EVL: variants seen among roughly 807,000 people sequenced by gnomAD.
EVL encodes Enah/Vasp-like.
In EVL, 21 loss-of-function variants were observed where a neutral mutation model predicts 59.6. That is an observed-to-expected ratio of 0.35 (90% CI 0.25 to 0.51). The LOEUF (loss-of-function observed/expected upper bound fraction) is 0.51, where lower values mean the gene tolerates loss of function less well. Among genes scored for constraint, EVL ranks in the 20% least tolerant of loss-of-function variants. EVL has a pLI of 0.97. For synonymous variants in EVL, 198 were observed against 203.5 expected (o/e 0.97, Z 0.23); for missense variants, 462 against 546.6 (o/e 0.85, Z 1.54).
chr14:100,005,071 A>C (rs2060969891), intron 1 of EVL, among the ~76,000 whole-genome samples: 1 of 152,260 alleles, frequency 6.6e-6, no homozygotes, highest in South Asian at 2.1e-4. Context: ...AAAGTTGTGA[A>C]GCTTGCCATT....
In EVL at chr14:100,141,728, C is replaced by T. The variant is rs192030186; in HGVS notation, c.1162-8C>T. 4.8e-5 allele frequency: 77 copies of T among 1,613,264 alleles called. No individual in the cohort carries two copies. In the East Asian group the frequency reaches 1.5e-3, roughly 32 times the overall value. On this transcript the variant is annotated splice_polypyrimidine_tract_variant and splice_region_variant and intron_variant, in intron 12 of 13. Transcript: ENST00000392920. The stretch of plus-strand genomic sequence containing the variant: ...TGTCCCTTCACCTGGACACTCCTCT[C>T]CCAACAGGAGATCCTAGAGGAGGTG...
At chr14:100,097,370 C>A in intron 2 of EVL, 111 bp from the exon 3 acceptor site, 1 of 916,798 alleles carries the variant, frequency 1.1e-6, no homozygotes. Context: ...CAAACCCCAT[C>A]CCCATCTTCC....
intron 1 of EVL, among the ~76,000 whole-genome samples, chr14:100,033,961 C>T (rs150599110): frequency 6.6e-6 from 1 of 152,234 alleles, no homozygotes; most frequent in Non-Finnish European, 1.5e-5. Flanking sequence ...CATGGTGGCT[C>T]ATGTCTGTAA....
At chr14:100,055,287 G>A (rs1018548983) in intron 1 of EVL, among the ~76,000 whole-genome samples, 1 of 151,320 alleles carries the variant, frequency 6.6e-6, no homozygotes, top group African/African-American at 2.4e-5. Context: ...GTGGCCTTTC[G>A]TGTCTTGCCT....
At chr14:100,050,583 C>T (rs1303982635) in intron 1 of EVL, among the ~76,000 whole-genome samples, 8 of 151,838 alleles carry the variant, frequency 5.3e-5, no homozygotes, top group Admixed American at 2.6e-4. Context: ...GTGATCCACC[C>T]GCCTCAGCCT....
At chr14:100,030,382 G>A (rs553622372) in intron 1 of EVL, among the ~76,000 whole-genome samples, 36 of 152,098 alleles carry the variant, frequency 2.4e-4, no homozygotes, top group African/African-American at 8.7e-4. Context: ...GATTATAGGC[G>A]TGAGCCACCG....
intron 1 of EVL, among the ~76,000 whole-genome samples, chr14:100,084,052 C>CTT (rs548584469): frequency 0.14 from 18,861 of 134,550 alleles, 2,167 homozygotes; most frequent in African/African-American, 0.3. Flanking sequence ...CTCTCTCTCT[C>CTT]TTTTTTTTTT....
At chr14:100,098,395 C>T (rs1316345546) in intron 3 of EVL, among the ~76,000 whole-genome samples, 5 of 151,936 alleles carry the variant, frequency 3.3e-5, no homozygotes, top group South Asian at 2.1e-4. Flanking sequence ...GGGAAGAGGG[C>T]GATGCAGCAT....
intron 8 of EVL, 61 bp downstream of exon 8, chr14:100,132,840 G>T (rs1417048538): frequency 3.2e-6 from 5 of 1,585,664 alleles, no homozygotes; most frequent in Non-Finnish European, 4.3e-6. Context: ...TCGCCAGGGA[G>T]GCTCTCTGGT....
At position 100,100,795 on chromosome 14, in the gene EVL, A is replaced by G. The variant is rs532938059; in HGVS notation, c.358+3137A>G. ...GCAAGAGTCTGTCTCAAAAAAAAAA[A>G]AAAAAAAAAAAAAATGGAAGTATGA... On this transcript the variant is annotated intron_variant, in intron 3 of 13. Coordinates refer to ENST00000392920, the MANE Select transcript of EVL (RefSeq NM_016337.3). Among the ~76,000 whole-genome samples, 4 of 150,852 alleles carry G rather than the reference A, an allele frequency of 2.7e-5. No individual in the cohort carries two copies. In the East Asian group the frequency reaches 5.8e-4, roughly 22 times the overall value.
intron 3 of EVL, among the ~76,000 whole-genome samples, chr14:100,110,686 C>T (rs1886915079): frequency 6.6e-6 from 1 of 152,150 alleles, no homozygotes; most frequent in Non-Finnish European, 1.5e-5. Context: ...ACGGGTGCCC[C>T]TAATTTCAGA....
intron 1 of EVL, among the ~76,000 whole-genome samples, chr14:100,042,895 T>TC (rs1451313928): frequency 6.6e-6 from 1 of 152,164 alleles, no homozygotes; most frequent in Non-Finnish European, 1.5e-5. Flanking sequence ...CTGCCCTTAG[T>TC]CAAGTTTTCT....
At chr14:99,980,410 A>C (rs1013165657) in intron 1 of EVL, among the ~76,000 whole-genome samples, 1 of 152,184 alleles carries the variant, frequency 6.6e-6, no homozygotes, top group Admixed American at 6.5e-5. Context: ...ATTCTCAGAA[A>C]GTTACCTGCC....
intron 8 of EVL, among the ~76,000 whole-genome samples, chr14:100,134,074 T>C (rs1316629986): frequency 6.6e-6 from 1 of 152,216 alleles, no homozygotes; most frequent in Non-Finnish European, 1.5e-5. Flanking sequence ...GGAGACTCGT[T>C]GTCTCCTGCC....
intron 2 of EVL, among the ~76,000 whole-genome samples, chr14:100,087,202 G>A (rs564430963): frequency 2.9e-4 from 44 of 152,318 alleles, no homozygotes; most frequent in Middle Eastern, 3.4e-3. Context: ...ATAAAACCAG[G>A]TAATCAGTTA....
intron 1 of EVL, among the ~76,000 whole-genome samples, chr14:100,046,645 C>A (rs1041676383): frequency 1.4e-5 from 2 of 147,734 alleles, no homozygotes; most frequent in East Asian, 4.0e-4. Flanking sequence ...CCAGCCTGGG[C>A]GACAGAGCGA....
intron 1 of EVL, among the ~76,000 whole-genome samples, chr14:100,051,696 T>TTAGCA (rs2061650189): frequency 6.6e-6 from 1 of 152,228 alleles, no homozygotes; most frequent in African/African-American, 2.4e-5. Context: ...TACTATTGCA[T>TTAGCA]TAGCACAGCA....
intron 1 of EVL, among the ~76,000 whole-genome samples, chr14:99,990,629 G>A (rs1027963525): frequency 1.3e-5 from 2 of 152,072 alleles, no homozygotes; most frequent in Non-Finnish European, 2.9e-5. Flanking sequence ...ATTTCACTTA[G>A]CATAATGTCC....
intron 1 of EVL, among the ~76,000 whole-genome samples, chr14:100,046,604 C>A (rs1179950266): frequency 2.6e-5 from 4 of 151,636 alleles, no homozygotes; most frequent in African/African-American, 9.7e-5. Flanking sequence ...GAGGCAGAGG[C>A]TGCAGTGAGC....
Sources: gnomAD v4.1 joint callset for allele counts (sites outside exome capture counted in the v4.1 genomes callset) on GRCh38, gnomAD v4.1.1 for gene constraint, MANE v1.5 for transcripts, NCBI Gene and HGNC (gene_info 2026-07-23, HGNC 2026-07-21) for gene names.